The following SLC39A11 variants were observed in gnomAD, a reference collection of about 807,000 sequenced individuals.
SLC39A11 encodes the protein zinc transporter ZIP11.
Under a neutral mutation model 36.1 loss-of-function variants are expected in SLC39A11, and 33 were observed. That is an observed-to-expected ratio of 0.91 (90% CI 0.69 to 1.22). SLC39A11 has a LOEUF of 1.22. Among genes scored for constraint, SLC39A11 ranks in the 50% most tolerant of loss-of-function variants. The pLI is 0.00. For missense variants in SLC39A11, 432 were observed against 430.3 expected (o/e 1.00, Z -0.03); for synonymous variants, 166 against 170.3 (o/e 0.97, Z 0.20).
At chr17:72,681,062 C>T (rs1333775520) in intron 7 of SLC39A11, among the ~76,000 whole-genome samples, 3 of 152,156 alleles carry the variant, frequency 2.0e-5, no homozygotes, top group African/African-American at 7.2e-5. Flanking sequence ...CCTGACTCAG[C>T]CTCATGAGTA....
chr17:72,794,985 C>T (rs534801098), intron 6 of SLC39A11, among the ~76,000 whole-genome samples: 24 of 152,166 alleles, frequency 1.6e-4, no homozygotes, highest in African/African-American at 4.8e-4. Context: ...AGAGGACCTC[C>T]GACTGTGAAA....
chr17:73,028,502 A>C (rs1438350910), intron 4 of SLC39A11, among the ~76,000 whole-genome samples: 1 of 152,222 alleles, frequency 6.6e-6, no homozygotes, highest in African/African-American at 2.4e-5. Flanking sequence ...CACTGACTGT[A>C]GCAATCATAA....
intron 5 of SLC39A11, among the ~76,000 whole-genome samples, chr17:72,852,439 A>G (rs1364602400): frequency 6.6e-6 from 1 of 152,086 alleles, no homozygotes; most frequent in Non-Finnish European, 1.5e-5. Flanking sequence ...ACTGGTCAGT[A>G]GCCCTGACTC....
At chr17:73,018,277 A>T (rs184136696) in intron 4 of SLC39A11, among the ~76,000 whole-genome samples, 1 of 152,164 alleles carries the variant, frequency 6.6e-6, no homozygotes, top group East Asian at 1.9e-4. Flanking sequence ...AGCCAGGTGC[A>T]GTGGCTCATG....
chr17:72,792,859 G>A (rs891491973), intron 6 of SLC39A11, among the ~76,000 whole-genome samples: 12 of 152,270 alleles, frequency 7.9e-5, no homozygotes, highest in South Asian at 4.1e-4. Flanking sequence ...CCCATTGTGC[G>A]CAGCATGCAC....
chr17:72,900,022 G>GAGAGAGAGAGAGAA (rs1164927939), intron 5 of SLC39A11, among the ~76,000 whole-genome samples: 1 of 133,782 alleles, frequency 7.5e-6, no homozygotes, highest in Non-Finnish European at 1.5e-5. Context: ...GAGAGAGAAA[G>GAGAGAGAGAGAGAA]AGAGAGAGAG....
intron 5 of SLC39A11, among the ~76,000 whole-genome samples, chr17:72,920,753 G>A (rs1210341770): frequency 1.3e-5 from 1 of 74,348 alleles, no homozygotes; most frequent in Non-Finnish European, 2.4e-5. Context: ...ATACACACAC[G>A]CATACTTCCC....
At chr17:72,790,957 G>A (rs184723655) in intron 6 of SLC39A11, among the ~76,000 whole-genome samples, 59 of 152,186 alleles carry the variant, frequency 3.9e-4, no homozygotes, top group African/African-American at 1.3e-3. Flanking sequence ...ACTTAGCCAC[G>A]TTGAAGACAA....
chr17:73,031,856 A>G (rs1292208938), intron 3 of SLC39A11, 142 bp from the exon 4 acceptor site: 2 of 834,020 alleles, frequency 2.4e-6, no homozygotes, highest in Non-Finnish European at 3.7e-6. Flanking sequence ...GGGAGGTACT[A>G]TCAGAAACCA....
intron 3 of SLC39A11, among the ~76,000 whole-genome samples, chr17:73,032,118 T>C (rs1240119274): frequency 6.6e-6 from 1 of 151,988 alleles, no homozygotes; most frequent in African/African-American, 2.4e-5. Context: ...AGCATGCTGG[T>C]AAACAACCTA....
intron 4 of SLC39A11, among the ~76,000 whole-genome samples, chr17:72,981,637 G>C (rs1038197924): frequency 1.4e-5 from 2 of 146,118 alleles, no homozygotes; most frequent in African/African-American, 5.0e-5. Flanking sequence ...AAAAAAATAG[G>C]TATTTTTAAT....
intron 6 of SLC39A11, among the ~76,000 whole-genome samples, chr17:72,789,994 G>T (rs960187482): frequency 6.6e-6 from 1 of 152,220 alleles, no homozygotes; most frequent in Non-Finnish European, 1.5e-5. Context: ...AGGGATGCCA[G>T]AATGCTATGA....
chr17:72,939,343 C>G (rs2084952627), intron 5 of SLC39A11, among the ~76,000 whole-genome samples: 1 of 151,900 alleles, frequency 6.6e-6, no homozygotes, highest in Non-Finnish European at 1.5e-5. Flanking sequence ...CACCTGTTTC[C>G]AGCTACTCAG....
intron 6 of SLC39A11, among the ~76,000 whole-genome samples, chr17:72,749,713 T>C (rs938456693): frequency 6.6e-6 from 1 of 151,880 alleles, no homozygotes; most frequent in African/African-American, 2.4e-5. Context: ...GTGGGAGCAG[T>C]CCCCAGCCCC....
intron 7 of SLC39A11, among the ~76,000 whole-genome samples, chr17:72,673,895 C>T (rs1433235724): frequency 6.6e-6 from 1 of 152,078 alleles, no homozygotes; most frequent in Non-Finnish European, 1.5e-5. Context: ...TAGTAAAATA[C>T]TGTCTCTACT....
At chr17:72,670,160 T>TACAC (rs202032502) in intron 7 of SLC39A11, among the ~76,000 whole-genome samples, 3 of 104,668 alleles carry the variant, frequency 2.9e-5, no homozygotes, top group Non-Finnish European at 4.2e-5. Context: ...ACATTTTATA[T>TACAC]ACACACACAC....
chr17:72,875,675 G>A (rs115528803), intron 5 of SLC39A11, among the ~76,000 whole-genome samples: 153 of 152,232 alleles, frequency 1.0e-3, no homozygotes, highest in African/African-American at 3.4e-3. Context: ...ACTTATTAAC[G>A]ATGATCTAAT....
chr17:73,074,518 C>T (rs1225938307), intron 3 of SLC39A11, among the ~76,000 whole-genome samples: 3 of 152,080 alleles, frequency 2.0e-5, no homozygotes, highest in Admixed American at 6.5e-5. Flanking sequence ...AGGCTGGTCT[C>T]GAACTCCTGG....
intron 5 of SLC39A11, among the ~76,000 whole-genome samples, chr17:72,894,342 C>A (rs1173283410): frequency 6.7e-5 from 7 of 105,088 alleles, no homozygotes; most frequent in Admixed American, 4.6e-4. Context: ...AGCCTGGCAA[C>A]AGAGTGAGAC....
Sources: allele counts gnomAD v4.1 joint callset (sites outside exome capture counted in the v4.1 genomes callset), GRCh38; gene constraint gnomAD v4.1.1; transcripts MANE v1.5; gene names NCBI Gene and HGNC (gene_info 2026-07-23, HGNC 2026-07-21).